Variants in MEIOB observed in about 807,000 individuals in gnomAD.
MEIOB encodes meiosis specific with OB-fold, also known as meiosis-specific with OB domain-containing protein.
MEIOB carries 50 observed loss-of-function variants against 53.1 expected under a neutral mutation model. The ratio of observed to expected loss-of-function variants is 0.94; its 90% CI spans 0.75 to 1.19. The LOEUF is 1.19. Among genes scored for constraint, MEIOB ranks in the 50% most tolerant of loss-of-function variants. The pLI is 0.00. For missense variants in MEIOB, 551 were observed against 550.8 expected, an observed-to-expected ratio of 1.00 and a Z score of 0.00; for synonymous variants, 192 against 182.5, an observed-to-expected ratio of 1.05 and a Z score of -0.42.
chr16:1,848,892 C>T (rs574467526), intron 9 of MEIOB, among the ~76,000 whole-genome samples: 131 of 152,088 alleles, frequency 8.6e-4, no homozygotes, highest in East Asian at 1.9e-4. Flanking sequence ...TCATGGATTT[C>T]GGGTCCAGGA....
Position 1,862,003 on chromosome 16 carries a change from A to C in MEIOB, c.241T>G (p.Phe81Val), listed in dbSNP as rs879030686. 1 of 1,551,124 alleles carries C rather than the reference A, an allele frequency of 6.4e-7. No homozygotes were observed. Among genetic ancestry groups the C allele is most frequent in the Admixed American group, 2.0e-5 (1 of 50,902 alleles). The change falls in exon 4 of 14, where the codon TTT (phenylalanine) becomes GTT (valine). Residue 81 changes from phenylalanine to valine, a missense_variant. By Grantham distance (50) the Phe-to-Val change is conservative (BLOSUM62 -1). Transcript: ENST00000325962. ...AACTTACCACAGTCACCAACCCTAA[A>C]GCTGTCAGAAAGAGACTTGATGTAA... Reference protein sequence around the residue: ...EDYIKSLSDSFRVGDCVIIEN... With the variant: ...EDYIKSLSDSVRVGDCVIIEN...
chr16:1,847,853 T>C (rs1467163465), intron 9 of MEIOB, among the ~76,000 whole-genome samples: 1 of 152,198 alleles, frequency 6.6e-6, no homozygotes, highest in African/African-American at 2.4e-5. Context: ...AATGCCTGTG[T>C]GCTCTCTCAA....
At chr16:1,861,030 C>T (rs535718858) in intron 4 of MEIOB, among the ~76,000 whole-genome samples, 7 of 152,200 alleles carry the variant, frequency 4.6e-5, no homozygotes, top group East Asian at 1.9e-4. Context: ...AAGTTCCACA[C>T]GTTATACTAG....
chr16:1,856,813 G>C (rs910751818), intron 6 of MEIOB, among the ~76,000 whole-genome samples: 63 of 143,758 alleles, frequency 4.4e-4, no homozygotes, highest in African/African-American at 1.6e-3. Context: ...GCCCAGGCTG[G>C]AGTGCAGTGG....
intron 13 of MEIOB, among the ~76,000 whole-genome samples, chr16:1,835,997 T>G (rs1401114983): frequency 6.6e-6 from 1 of 151,986 alleles, no homozygotes; most frequent in Non-Finnish European, 1.5e-5. Flanking sequence ...GTAGCTGGGA[T>G]GACAGGCACC....
chr16:1,834,015 G>T lies in MEIOB; in HGVS notation c.*241C>A. On this transcript the variant is annotated 3_prime_UTR_variant, in exon 14 of 14. Transcript: ENST00000325962. ...AGATTAAATCTGTTTATTAATTCAT[G>T]TAAACATTTTCCAACTTGGGAGGAG... 1 of 379,490 alleles carries T rather than the reference G, an allele frequency of 2.6e-6. No homozygotes were observed. The highest frequency in any genetic ancestry group is 4.7e-6 in the Non-Finnish European group (1 of 212,638). The allele number at this position is 379,490 out of a possible 1,614,324, so 23.5% of individuals were successfully genotyped here.
At chr16:1,861,851 A>G in intron 4 of MEIOB, 134 bp downstream of exon 4, 1 of 938,456 alleles carries the variant, frequency 1.1e-6, no homozygotes, top group Non-Finnish European at 1.6e-6. Flanking sequence ...TACTCTTAAC[A>G]CTTGACTTTT....
At chr16:1,861,755 G>A (rs954467314) in intron 4 of MEIOB, among the ~76,000 whole-genome samples, 9 of 151,786 alleles carry the variant, frequency 5.9e-5, no homozygotes, top group East Asian at 1.9e-4. Context: ...GGCTGGTCTC[G>A]AACTCCTGAA....
intron 6 of MEIOB, among the ~76,000 whole-genome samples, chr16:1,856,112 A>G (rs1899292903): frequency 6.6e-6 from 1 of 151,108 alleles, no homozygotes; most frequent in African/African-American, 2.4e-5. Context: ...CTCCTGCCTC[A>G]GCCTCCTGAG....
At chr16:1,847,248 G>C (rs995544457) in intron 9 of MEIOB, among the ~76,000 whole-genome samples, 1 of 151,992 alleles carries the variant, frequency 6.6e-6, no homozygotes, top group Non-Finnish European at 1.5e-5. Context: ...GATCACCTGA[G>C]GTCAGGAGTT....
At chr16:1,870,472 C>T (rs1227950508) in intron 1 of MEIOB, among the ~76,000 whole-genome samples, 1 of 152,138 alleles carries the variant, frequency 6.6e-6, no homozygotes, top group African/African-American at 2.4e-5. Context: ...TTTCAGGCAG[C>T]CTGTGGAGTT....
intron 3 of MEIOB, 132 bp downstream of exon 3, chr16:1,865,646 C>G (rs1216013138): frequency 6.3e-6 from 4 of 637,800 alleles, no homozygotes; most frequent in Middle Eastern, 3.4e-4. Context: ...ACTTGACCAT[C>G]CAATAGAGAG....
chr16:1,849,624 T>C (rs910484782), intron 9 of MEIOB, among the ~76,000 whole-genome samples: 1 of 151,112 alleles, frequency 6.6e-6, no homozygotes, highest in Non-Finnish European at 1.5e-5. Context: ...GTAACAAACC[T>C]GCATGTTCGG....
chr16:1,849,738 G>C (rs1385958244), intron 9 of MEIOB, among the ~76,000 whole-genome samples: 1 of 151,976 alleles, frequency 6.6e-6, no homozygotes, highest in Non-Finnish European at 1.5e-5. Context: ...CTTTAAATCT[G>C]TTTCCTTGAC....
At position 1,839,534 on chromosome 16, in the gene MEIOB, G is replaced by A. The variant is rs778253121; in HGVS notation, c.1035-96C>T. On this transcript the variant is annotated intron_variant, in intron 11 of 13. Transcript: ENST00000325962. The stretch of plus-strand genomic sequence containing the variant: ...AATTGTCACTAAAAACTCTACGACA[G>A]TGTGTGGAAAACTTACTGAGTGTTC... The A allele has an allele frequency of 1.4e-5, 16 of 1,175,624 alleles. No homozygotes were observed. In the Admixed American group the frequency reaches 1.8e-4, roughly 13 times the overall value. The allele number at this position is 1,175,624 out of a possible 1,614,324, so 72.8% of individuals were successfully genotyped here. A position where few individuals can be genotyped will look rare whatever the true frequency, so the allele number is the denominator to read the frequency against.
chr16:1,837,234 G>A (rs548831696), intron 13 of MEIOB, among the ~76,000 whole-genome samples: 2 of 152,152 alleles, frequency 1.3e-5, no homozygotes, highest in African/African-American at 4.8e-5. Context: ...ACAGGCTGAG[G>A]TGTGGTGGGA....
At chr16:1,860,335 G>C (rs1363126901) in intron 5 of MEIOB, 68 bp downstream of exon 5, 3 of 860,000 alleles carry the variant, frequency 3.5e-6, no homozygotes, top group Non-Finnish European at 5.6e-6. Context: ...TAAGATCTCT[G>C]CTAATCTGAT....
chr16:1,844,985 A>C, intron 9 of MEIOB, 22 bp from the exon 10 acceptor site: 1 of 1,083,748 alleles, frequency 9.2e-7, no homozygotes, highest in Non-Finnish European at 1.4e-6. Context: ...AATGCATAAT[A>C]AGTAAAAAGC....
intron 13 of MEIOB, among the ~76,000 whole-genome samples, chr16:1,837,529 CCT>C (rs1195920732): frequency 6.6e-6 from 1 of 152,082 alleles, no homozygotes; most frequent in African/African-American, 2.4e-5. Flanking sequence ...AGCCCTTTCC[CCT>C]GTTTTGGATT....
Sources: gnomAD v4.1 joint callset for allele counts (sites outside exome capture counted in the v4.1 genomes callset) on GRCh38, gnomAD v4.1.1 for gene constraint, MANE v1.5 for transcripts, NCBI Gene and HGNC (gene_info 2026-07-23, HGNC 2026-07-21) for gene names.